AMELY: variants seen among roughly 807,000 people sequenced by gnomAD.
AMELY encodes the protein amelogenin Y-linked.
AMELY carries 4 observed loss-of-function variants against 4.2 expected under a neutral mutation model. That is an observed-to-expected ratio of 0.96 (90% confidence interval 0.47 to 2.19). AMELY has a LOEUF of 2.19. AMELY is among the 30% of genes most tolerant of loss of function. The pLI, the probability that AMELY is intolerant of heterozygous loss-of-function variation, is 0.02. For missense variants in AMELY, 32 were observed against 41.5 expected (o/e 0.77, Z 0.63); for synonymous variants, 11 against 14.7 (o/e 0.75, Z 0.57).
chrY:6,903,437 T>C, intron 1 of AMELY, among the ~76,000 whole-genome samples: 2 of 33,292 alleles, frequency 6.0e-5, no homozygotes, highest in East Asian at 8.1e-4. Context: ...CTTTCATCCC[T>C]TGATTCCTGG....
At chrY:6,911,627 C>T (rs764970190) in intron 1 of AMELY, among the ~76,000 whole-genome samples, 46 bp downstream of exon 1, 3 of 34,968 alleles carry the variant, frequency 8.6e-5, no homozygotes, top group East Asian at 7.9e-4. Flanking sequence ...CCCGCGCCCC[C>T]GGTCTGTTTG....
chrY:6,885,410 G>C (rs2054079370), intron 1 of AMELY, among the ~76,000 whole-genome samples: 1 of 34,265 alleles, frequency 2.9e-5, no homozygotes. Context: ...AGGAGGCAGA[G>C]CTTGCAGGGA....
At chrY:6,870,532 A>G (rs371209280) in intron 3 of AMELY, among the ~76,000 whole-genome samples, 1 of 34,003 alleles carries the variant, frequency 2.9e-5, no homozygotes, top group South Asian at 6.6e-4. Context: ...TCCCTTGTAG[A>G]TCAGGAGGTG....
intron 1 of AMELY, chrY:6,900,824 C>A: frequency 3.9e-5 from 1 of 25,434 alleles, no homozygotes; most frequent in South Asian, 1.0e-3. Flanking sequence ...TGCGAAGGAA[C>A]GTTGGTGTTA....
At chrY:6,877,935 C>T (rs2054072673) in intron 1 of AMELY, among the ~76,000 whole-genome samples, 1 of 31,889 alleles carries the variant, frequency 3.1e-5, no homozygotes, top group Non-Finnish European at 7.7e-5. Context: ...CTGCAGGTAC[C>T]CAAAATCAAA....
chrY:6,911,098 A>T, intron 1 of AMELY: 2 of 35,966 alleles, frequency 5.6e-5, no homozygotes, highest in Non-Finnish European at 1.4e-4. Flanking sequence ...GCTCGCCACG[A>T]ACTCCTGGAG....
chrY:6,904,950 C>G, intron 1 of AMELY, among the ~76,000 whole-genome samples: 1 of 33,593 alleles, frequency 3.0e-5, no homozygotes, highest in Admixed American at 2.7e-4. Context: ...ATCCTAGAGG[C>G]CTCTGCTGTG....
At chrY:6,904,970 T>C in intron 1 of AMELY, among the ~76,000 whole-genome samples, 1 of 33,737 alleles carries the variant, frequency 3.0e-5, no homozygotes, top group African/African-American at 1.2e-4. Context: ...GATTCACCTA[T>C]GGAAGCCTGC....
At chrY:6,877,997 C>T in intron 1 of AMELY, among the ~76,000 whole-genome samples, 1 of 31,921 alleles carries the variant, frequency 3.1e-5, no homozygotes, top group African/African-American at 1.2e-4. Flanking sequence ...TGTGTACCTT[C>T]AGGAAAAAAT....
intron 1 of AMELY, among the ~76,000 whole-genome samples, chrY:6,903,828 A>T: frequency 2.9e-5 from 1 of 33,994 alleles, no homozygotes; most frequent in African/African-American, 1.2e-4. Flanking sequence ...TGTCTATTCC[A>T]GTGAGGACAA....
At chrY:6,875,286 G>T in intron 1 of AMELY, among the ~76,000 whole-genome samples, 1 of 33,253 alleles carries the variant, frequency 3.0e-5, no homozygotes, top group South Asian at 6.6e-4. Flanking sequence ...AATAGAATTA[G>T]CATGAAAATT....
At chrY:6,902,819 G>C in intron 1 of AMELY, among the ~76,000 whole-genome samples, 4 of 31,239 alleles carry the variant, frequency 1.3e-4, no homozygotes, top group Non-Finnish European at 3.1e-4. Context: ...GGGTTCAAGT[G>C]ATTCTCCTGC....
intron 1 of AMELY, among the ~76,000 whole-genome samples, chrY:6,906,772 T>C: frequency 6.1e-5 from 2 of 32,567 alleles, no homozygotes; most frequent in Non-Finnish European, 1.5e-4. Context: ...CTTTTTTTTT[T>C]TTGTCCGAGA....
At chrY:6,908,000 G>A in intron 1 of AMELY, among the ~76,000 whole-genome samples, 8 of 32,621 alleles carry the variant, frequency 2.5e-4, no homozygotes, top group Admixed American at 2.2e-3. Flanking sequence ...AAGTCACCAC[G>A]CCCAACTAAT....
chrY:6,905,444 TTTTC>T (rs2011659674), intron 1 of AMELY, among the ~76,000 whole-genome samples: 2 of 32,105 alleles, frequency 6.2e-5, no homozygotes, highest in South Asian at 7.8e-4. Flanking sequence ...TTCTCTTTCT[TTTTC>T]TTTCTTTCTT....
chrY:6,887,527 T>C (rs2054080777), intron 1 of AMELY, among the ~76,000 whole-genome samples: 1 of 32,488 alleles, frequency 3.1e-5, no homozygotes, highest in African/African-American at 1.2e-4. Flanking sequence ...GGTGTTATTC[T>C]TTTTTTTTCT....
chrY:6,884,375 C>A, intron 1 of AMELY, among the ~76,000 whole-genome samples: 1 of 31,429 alleles, frequency 3.2e-5, no homozygotes, highest in African/African-American at 1.3e-4. Context: ...CATGTGTATA[C>A]CTATGCAAAA....
At chrY:6,870,889 G>C (rs766604505) in intron 3 of AMELY, among the ~76,000 whole-genome samples, 1 of 33,263 alleles carries the variant, frequency 3.0e-5, no homozygotes, top group African/African-American at 1.2e-4. Context: ...GGTTGCACCC[G>C]GGGTCCACGT....
intron 1 of AMELY, among the ~76,000 whole-genome samples, chrY:6,878,449 A>G (rs775729059): frequency 3.0e-5 from 1 of 33,298 alleles, no homozygotes; most frequent in East Asian, 8.1e-4. Context: ...GGGAAGTAAC[A>G]TGACTTCCCA....
Sources: allele counts gnomAD v4.1 joint callset (sites outside exome capture counted in the v4.1 genomes callset), GRCh38; gene constraint gnomAD v4.1.1; transcripts MANE v1.5; gene names NCBI Gene and HGNC (gene_info 2026-07-23, HGNC 2026-07-21).